C17orf78: variants seen among roughly 807,000 people sequenced by gnomAD.
The protein encoded by C17orf78 is uncharacterized protein C17orf78.
C17orf78 carries 27 observed loss-of-function variants against 31.8 expected under a neutral mutation model. That is an observed-to-expected ratio of 0.85 (90% CI 0.63 to 1.17). The LOEUF (loss-of-function observed/expected upper bound fraction) is 1.17, where lower values mean the gene tolerates loss of function less well. Among genes scored for constraint, C17orf78 ranks in the 50% most tolerant of loss-of-function variants. The pLI is 0.00. For missense variants in C17orf78, 258 were observed against 315.2 expected (o/e 0.82, Z 1.37); for synonymous variants, 106 against 115.1 (o/e 0.92, Z 0.51).
Position 37,379,213 on chromosome 17 carries a change from C to G in C17orf78, c.222C>G (p.Asp74Glu). 2 of 1,614,022 alleles carry G rather than the reference C, an allele frequency of 1.2e-6. No homozygotes were observed. Among genetic ancestry groups the G allele is most frequent in the Non-Finnish European group, 1.7e-6 (2 of 1,179,892 alleles). ...CTACCCTGCAGTGCCTTGGCTCTGA[C>G]AGCAAAGTAAAAGTCAACCTTGTAT... The part of the protein sequence containing the change: ...TIATLQCLGS[D>E]SKVKVNLVYL... The change falls in exon 3 of 7, where the codon GAC (aspartate) becomes GAG (glutamate). Residue 74 changes from aspartate (D) to glutamate (E), a missense_variant. By Grantham distance (45) the Asp-to-Glu change is conservative. Transcript: ENST00000615133.
At position 37,392,406 on chromosome 17, in the gene C17orf78, C is replaced by A. The variant is rs2050921153; in HGVS notation, c.*682C>A. On this transcript the variant is annotated 3_prime_UTR_variant, in exon 7 of 7. Transcript: ENST00000615133. ...GTTGCATACCTTTTGGACAAAGATTCCAGAGCAAAATAATTATGATAATGC... is the reference window on the plus strand; with the variant it reads ...GTTGCATACCTTTTGGACAAAGATTACAGAGCAAAATAATTATGATAATGC... The A allele has an allele frequency of 6.6e-6, 1 of 152,112 alleles. No individual in the cohort carries two copies. Among genetic ancestry groups the A allele is most frequent in the African/African-American group, 2.4e-5 (1 of 41,416 alleles). The allele number at this position is 152,112 out of a possible 1,614,324, so 9.4% of individuals were successfully genotyped here.
At position 37,377,880 on chromosome 17, in the gene C17orf78, C is replaced by T; in HGVS notation, c.60C>T (p.Asp20=). 3 of 1,613,062 alleles carry T rather than the reference C, an allele frequency of 1.9e-6. No individual in the cohort carries two copies. Among genetic ancestry groups the T allele is most frequent in the Non-Finnish European group, 1.7e-6 (2 of 1,179,404 alleles). ...IIASYDANKK[D]LRDSSCRLEQ... is the part of the protein sequence containing the mutation. ...TCCTCCCCCTCTGCTCACCCCCAGA[C>T]CTCAGAGATAGCAGTTGCCGACTGG... Residue 20 remains aspartate (D), a splice_region_variant and synonymous_variant, in exon 2 of 7, where the codon GAC becomes GAT. Transcript: ENST00000615133.
intron 6 of C17orf78, among the ~76,000 whole-genome samples, chr17:37,390,304 T>TTTTATATATATATATTATATA (rs1201500381): frequency 5.6e-5 from 1 of 17,988 alleles, no homozygotes; most frequent in African/African-American, 3.8e-4. Flanking sequence ...TTATACATAA[T>TTTTATATATATATATTATATA]TATATATATA....
intron 6 of C17orf78, among the ~76,000 whole-genome samples, chr17:37,390,241 A>T (rs1597786216): frequency 4.0e-5 from 2 of 49,498 alleles, no homozygotes; most frequent in African/African-American, 1.3e-4. Context: ...TATATAATAT[A>T]TTATATATAT....
At chr17:37,377,770 T>A (rs974292947) in intron 1 of C17orf78, 109 bp from the exon 2 acceptor site, 23 of 737,994 alleles carry the variant, frequency 3.1e-5, no homozygotes, top group Non-Finnish European at 4.6e-5. Flanking sequence ...GGAACTGCAA[T>A]CTTTCATATC....
rs1243535532 is a variant in C17orf78 at position 37,390,140 on chromosome 17, GTATATATATATATATATATATA to G, written c.750+793_750+814del. ...GACACTGTCTCTATTAAAAAAAAAAGTATATATATATATATATATATATATATATATATATACACACACACAT... is the reference window on the plus strand; with the variant it reads ...GACACTGTCTCTATTAAAAAAAAAAGTATATATATATATACACACACACAT... On this transcript the variant is annotated intron_variant, in intron 6 of 6. Coordinates refer to ENST00000615133, the MANE Select transcript of C17orf78 (RefSeq NM_173625.5). 4.0e-4 allele frequency among the ~76,000 whole-genome samples: 14 copies of G among 34,634 alleles called. 1 individual carries two copies. The highest frequency in any genetic ancestry group is 1.7e-3 in the African/African-American group (12 of 6,868). The allele number at this position is 34,634 out of a possible 152,430, so 22.7% of individuals were successfully genotyped here.
chr17:37,378,933 C>T (rs1192686031), intron 2 of C17orf78, among the ~76,000 whole-genome samples: 2 of 152,006 alleles, frequency 1.3e-5, no homozygotes, highest in African/African-American at 4.8e-5. Context: ...AAGTGGCATA[C>T]ACCTGTAGTC....
In C17orf78 at chr17:37,377,744, G is replaced by A. The variant is rs2042635200; in HGVS notation, c.59-135G>A. 5.9e-6 allele frequency: 3 copies of A among 507,506 alleles called. No homozygotes were observed. The Admixed American group carries it at 1.1e-4, about 19-fold the overall frequency. 31.4% of individuals were successfully genotyped at this position (507,506 alleles called of 1,614,324 possible). A position where few individuals can be genotyped will look rare whatever the true frequency, so the allele number is the denominator to read the frequency against. On this transcript the variant is annotated intron_variant, in intron 1 of 6. Transcript: ENST00000615133. ...TAGAGAGTGTTTGATCTCCCAAGTT[G>A]CAAGTTTTATGAGCAGGAACTGCAA...
chr17:37,390,330 A>ATATCTATATC (rs1555672373), intron 6 of C17orf78, among the ~76,000 whole-genome samples: 1 of 41,578 alleles, frequency 2.4e-5, no homozygotes, highest in African/African-American at 1.3e-4. Flanking sequence ...ATATATATAT[A>ATATCTATATC]TATAAAAGGC....
At chr17:37,390,148 A>AG (rs2050740120) in intron 6 of C17orf78, among the ~76,000 whole-genome samples, 2 of 26,976 alleles carry the variant, frequency 7.4e-5, no homozygotes, top group African/African-American at 6.3e-4. Context: ...AAGTATATAT[A>AG]TATATATATA....
intron 2 of C17orf78, among the ~76,000 whole-genome samples, chr17:37,378,645 G>C (rs528371626): frequency 6.6e-6 from 1 of 152,202 alleles, no homozygotes; most frequent in Non-Finnish European, 1.5e-5. Context: ...CCAGAGAGGC[G>C]GAGGTTGCAG....
Position 37,391,906 on chromosome 17 carries a change from G to A in C17orf78, c.*182G>A. ...GAGTTACCCTCATGCCCCTATCTGA[G>A]CCACAACCTTCTGTAATTCACTTCA... On this transcript the variant is annotated 3_prime_UTR_variant, in exon 7 of 7. Transcript: ENST00000615133. 3 of 604,742 alleles carry A rather than the reference G, an allele frequency of 5.0e-6. No homozygotes were observed. In the East Asian group the frequency reaches 8.2e-5, roughly 16 times the overall value. The allele number at this position is 604,742 out of a possible 1,614,324, so 37.5% of individuals were successfully genotyped here.
chr17:37,390,334 A>ATATATCTAT (rs2050822111), intron 6 of C17orf78, among the ~76,000 whole-genome samples: 3 of 93,422 alleles, frequency 3.2e-5, no homozygotes, highest in African/African-American at 1.4e-4. Context: ...ATATATATAT[A>ATATATCTAT]AAAGGCCAGC....
intron 3 of C17orf78, among the ~76,000 whole-genome samples, 181 bp from the exon 4 acceptor site, chr17:37,385,828 T>C (rs1164356509): frequency 6.6e-6 from 1 of 152,194 alleles, no homozygotes; most frequent in Non-Finnish European, 1.5e-5. Context: ...CTCTTATTAG[T>C]GTCTCTATCC....
chr17:37,380,184 C>A (rs2050183016), intron 3 of C17orf78, among the ~76,000 whole-genome samples: 2 of 149,062 alleles, frequency 1.3e-5, no homozygotes, highest in South Asian at 2.1e-4. Context: ...AACAAAAAAC[C>A]AAACACCGCA....
intron 3 of C17orf78, among the ~76,000 whole-genome samples, chr17:37,383,847 G>T (rs1456591009): frequency 2.6e-5 from 4 of 152,234 alleles, no homozygotes; most frequent in African/African-American, 9.6e-5. Context: ...CACCTCACTT[G>T]GTCCAAAACA....
At chr17:37,383,759 G>T (rs981875995) in intron 3 of C17orf78, among the ~76,000 whole-genome samples, 2 of 152,128 alleles carry the variant, frequency 1.3e-5, no homozygotes, top group Non-Finnish European at 1.5e-5. Context: ...GGCCAGGCTG[G>T]TCTCAAGCTC....
chr17:37,377,119 C>T (rs1412017324), intron 1 of C17orf78, among the ~76,000 whole-genome samples: 1 of 151,986 alleles, frequency 6.6e-6, no homozygotes, highest in African/African-American at 2.4e-5. Flanking sequence ...TCTGTGGAAA[C>T]CTATAGAGAT....
intron 5 of C17orf78, 75 bp downstream of exon 5, chr17:37,388,869 T>A: frequency 6.5e-7 from 1 of 1,546,008 alleles, no homozygotes; most frequent in South Asian, 1.2e-5. Context: ...CAGCTTGGCA[T>A]AAGGAGAAAA....
Sources: gnomAD v4.1 joint callset for allele counts (sites outside exome capture counted in the v4.1 genomes callset) on GRCh38, gnomAD v4.1.1 for gene constraint, MANE v1.5 for transcripts, NCBI Gene and HGNC (gene_info 2026-07-23, HGNC 2026-07-21) for gene names.